Variants in SLC26A11 observed in about 807,000 individuals in gnomAD.
SLC26A11 encodes sodium-independent sulfate anion transporter.
In SLC26A11, 58 loss-of-function variants were observed where a neutral mutation model predicts 62.2. That is an observed-to-expected ratio of 0.93 (90% confidence interval 0.76 to 1.16). The LOEUF is 1.16. SLC26A11 is among the 50% of genes most tolerant of loss of function. SLC26A11 has a pLI of 0.00. For synonymous variants in SLC26A11, 411 were observed against 368.9 expected (o/e 1.11, Z -1.31); for missense variants, 790 against 794.3 (o/e 0.99, Z 0.06).
At chr17:80,250,808 CAA>C (rs1033779094) in intron 16 of SLC26A11, among the ~76,000 whole-genome samples, 3 of 147,330 alleles carry the variant, frequency 2.0e-5, no homozygotes, top group African/African-American at 7.5e-5. Flanking sequence ...GCCTGGGTAA[CAA>C]GAGTGAAACT....
chr17:80,242,659 C>G (rs774615024), intron 10 of SLC26A11, among the ~76,000 whole-genome samples: 4 of 152,202 alleles, frequency 2.6e-5, no homozygotes, highest in Non-Finnish European at 5.9e-5. Flanking sequence ...CCTTTTGTTA[C>G]GTCTCTGCGG....
At chr17:80,232,698 CTGTT>C (rs919008046) in intron 7 of SLC26A11, among the ~76,000 whole-genome samples, 2 of 152,102 alleles carry the variant, frequency 1.3e-5, no homozygotes, top group Non-Finnish European at 2.9e-5. Context: ...GATTATTGGT[CTGTT>C]TGACTTTAGA....
In SLC26A11 at chr17:80,245,221, CG is replaced by C; in HGVS notation, c.1063del (p.Val355SerfsTer15). On this transcript the variant is annotated frameshift_variant, in exon 11 of 18. Transcript: ENST00000361193. LOFTEE classifies it high-confidence loss of function. The stretch of plus-strand genomic sequence containing the variant: ...GTCTCACCAACATGTTGGGCTCCCT[CG>C]TCTCCTCCTACCCGGTCACAGGCAG... ...IGLTNMLGSL[V>X]SSYPVTGSFG... 6.2e-7 allele frequency: 1 copy of C among 1,613,960 alleles called. No individual in the cohort carries two copies. Among genetic ancestry groups the C allele is most frequent in the Non-Finnish European group, 8.5e-7 (1 of 1,179,998 alleles).
At chr17:80,229,418 C>T (rs960079172) in intron 7 of SLC26A11, among the ~76,000 whole-genome samples, 1 of 150,748 alleles carries the variant, frequency 6.6e-6, no homozygotes, top group Non-Finnish European at 1.5e-5. Flanking sequence ...GCTTTGTTAT[C>T]TTTGTTATCT....
intron 9 of SLC26A11, among the ~76,000 whole-genome samples, chr17:80,239,866 CAT>C (rs765606038): frequency 1.3e-5 from 2 of 152,226 alleles, no homozygotes; most frequent in South Asian, 2.1e-4. Flanking sequence ...TATTTTGTGA[CAT>C]GTGAAAAGTA....
At position 80,222,835 on chromosome 17, in the gene SLC26A11, G is replaced by A; in HGVS notation, c.415G>A (p.Val139Ile). The A allele has an allele frequency of 2.5e-6, 4 of 1,613,918 alleles. No individual in the cohort carries two copies. Among genetic ancestry groups the A allele is most frequent in the Non-Finnish European group, 2.5e-6 (3 of 1,179,918 alleles). ...CGGCTGCATCCAGCTGGCCATGGGG[G>A]TCCTGCGTTTGGGTGAGGCTCTACC... ...LSGCIQLAMG[V>I]LRLGFLLDFI... The change falls in exon 4 of 18, where the codon GTC becomes ATC. Residue 139 changes from valine (V) to isoleucine (I), a missense_variant. Val to Ile is a conservative substitution (Grantham distance 29). Coordinates refer to ENST00000361193, the MANE Select transcript of SLC26A11 (RefSeq NM_001166347.2). The surrounding 1 kb of genome is among the most constrained non-coding windows in gnomAD (Gnocchi z 4.7).
chr17:80,237,869 G>T (rs894343399), intron 9 of SLC26A11, among the ~76,000 whole-genome samples: 1 of 152,214 alleles, frequency 6.6e-6, no homozygotes, highest in Non-Finnish European at 1.5e-5. Context: ...GGCCCTTGCC[G>T]ATGTCCACGG....
At chr17:80,247,861 C>T (rs1436666074) in intron 13 of SLC26A11, among the ~76,000 whole-genome samples, 2 of 152,192 alleles carry the variant, frequency 1.3e-5, no homozygotes, top group East Asian at 1.9e-4. Context: ...CCTGACAAGC[C>T]CCTGCTGCTG....
rs1159400321 is a variant in SLC26A11, at chr17:80,221,799, G to A, written c.234+5G>A. On this transcript the variant is annotated splice_donor_5th_base_variant and intron_variant, in intron 3 of 17. Transcript: ENST00000361193. ...GTGGCTGGACTCCCGCCCCAGGTGA[G>A]GCGTCTGACCCTGCTGCCAGCCATA... 1.2e-6 allele frequency: 2 copies of A among 1,607,290 alleles called. No individual in the cohort carries two copies. Among genetic ancestry groups the A allele is most frequent in the Admixed American group, 3.3e-5 (2 of 59,940 alleles).
At chr17:80,251,757 T>C (rs1209315893) in intron 17 of SLC26A11, among the ~76,000 whole-genome samples, 7 of 146,510 alleles carry the variant, frequency 4.8e-5, no homozygotes, top group African/African-American at 1.8e-4. Context: ...AGCGAGACTC[T>C]GTCTCAAAAA....
rs2042987942 is a variant in SLC26A11, at chr17:80,246,153, G to C, written c.1098-1G>C. On this transcript the variant is annotated splice_acceptor_variant, in intron 11 of 17. Transcript: ENST00000361193. LOFTEE classifies it high-confidence loss of function. This position sits in a 1 kb window ranked among gnomAD's most constrained non-coding sequence, Gnocchi z 4.4. ...CTGACGGTCTCTGTGTTGCCTTCCA[G>C]GACAGCCGTGAACGCTCAGTCGGGG... The C allele has an allele frequency of 6.2e-7, 1 of 1,613,094 alleles. No homozygotes were observed. Among genetic ancestry groups the C allele is most frequent in the African/African-American group, 1.3e-5 (1 of 74,928 alleles).
rs1397708591 is a variant in SLC26A11 at position 80,252,452 on chromosome 17, A to G, written c.1730-173A>G. ...TTAGTCACCTGAAAAATACGCTTACAGAGACTCAGGTGAGACCCTCATGGA... is the reference window on the plus strand; with the variant it reads ...TTAGTCACCTGAAAAATACGCTTACGGAGACTCAGGTGAGACCCTCATGGA... On this transcript the variant is annotated intron_variant, in intron 17 of 17. Coordinates refer to ENST00000361193, the MANE Select transcript of SLC26A11 (RefSeq NM_001166347.2). This position sits in a 1 kb window ranked among gnomAD's most constrained non-coding sequence, Gnocchi z 5.2. Among the ~76,000 whole-genome samples the G allele has an allele frequency of 1.3e-5, 2 of 152,110 alleles. No homozygotes were observed. Among genetic ancestry groups the G allele is most frequent in the African/African-American group, 2.4e-5 (1 of 41,424 alleles).
At position 80,248,126 on chromosome 17, in the gene SLC26A11, C is replaced by A; in HGVS notation, c.1295-4C>A. 6.2e-7 allele frequency: 1 copy of A among 1,600,836 alleles called. No homozygotes were observed. The highest frequency in any genetic ancestry group is 8.5e-7 in the Non-Finnish European group (1 of 1,178,998). On this transcript the variant is annotated splice_polypyrimidine_tract_variant and splice_region_variant and intron_variant, in intron 13 of 17. Transcript: ENST00000361193. ...GGCATTCCTCAGCTGTGCCCTTCTC[C>A]TAGGGCTGGACCTGCTGCCCCTGTG... is the stretch of plus-strand genomic sequence containing the variant.
chr17:80,237,789 C>T (rs1207027701), intron 9 of SLC26A11, among the ~76,000 whole-genome samples, 195 bp downstream of exon 9: 1 of 152,240 alleles, frequency 6.6e-6, no homozygotes, highest in African/African-American at 2.4e-5. Context: ...CATGCCCTCC[C>T]ACCCCATGGT....
intron 5 of SLC26A11, among the ~76,000 whole-genome samples, chr17:80,224,276 AGTGCGT>A (rs1567943701): frequency 8.9e-5 from 13 of 146,868 alleles, no homozygotes; most frequent in South Asian, 4.3e-4. Context: ...TGTGTGAGTG[AGTGCGT>A]GTGTGAGTGA....
In SLC26A11 at chr17:80,252,789, A is replaced by C; in HGVS notation, c.*73A>C. ...TCTTGTCACTGTGATTGGATGCTGG[A>C]TGCCGCCTGATAGACATGCTGGCCT... On this transcript the variant is annotated 3_prime_UTR_variant, in exon 18 of 18. Coordinates refer to ENST00000361193, the MANE Select transcript of SLC26A11 (RefSeq NM_001166347.2). This position sits in a 1 kb window ranked among gnomAD's most constrained non-coding sequence, Gnocchi z 5.2. 7.4e-7 allele frequency: 1 copy of C among 1,347,732 alleles called. No individual in the cohort carries two copies. The highest frequency in any genetic ancestry group is 1.0e-6 in the Non-Finnish European group (1 of 956,184). The allele number at this position is 1,347,732 out of a possible 1,614,324, so 83.5% of individuals were successfully genotyped here.
intron 6 of SLC26A11, among the ~76,000 whole-genome samples, 193 bp from the exon 7 acceptor site, chr17:80,227,625 C>T (rs1022494583): frequency 2.0e-5 from 3 of 152,242 alleles, no homozygotes. Flanking sequence ...AGTTAAGTGT[C>T]TGTGAAATGG....
chr17:80,227,684 G>A, intron 6 of SLC26A11, 134 bp from the exon 7 acceptor site: 1 of 1,253,210 alleles, frequency 8.0e-7, no homozygotes, highest in Admixed American at 2.2e-5. Context: ...ACTGTGGTCT[G>A]GGACCAGCAG....
chr17:80,241,663 A>C, intron 9 of SLC26A11, 108 bp from the exon 10 acceptor site: 5 of 1,171,350 alleles, frequency 4.3e-6, no homozygotes, highest in Non-Finnish European at 6.4e-6. Flanking sequence ...TAGATTTACA[A>C]AACTTATTGC....
Sources: gnomAD v4.1 joint callset for allele counts (sites outside exome capture counted in the v4.1 genomes callset) on GRCh38, gnomAD v4.1.1 for gene constraint, Gnocchi (gnomAD v3.1) non-coding constraint, MANE v1.5 for transcripts, NCBI Gene and HGNC (gene_info 2026-07-23, HGNC 2026-07-21) for gene names.